Variants in TBL1XR1 observed in about 807,000 individuals in gnomAD.
TBL1XR1 encodes the protein F-box-like/WD repeat-containing protein TBL1XR1.
In TBL1XR1, 5 loss-of-function variants were observed where a neutral mutation model predicts 66.9. The ratio of observed to expected loss-of-function variants is 0.07; its 90% CI spans 0.04 to 0.16. The LOEUF (loss-of-function observed/expected upper bound fraction) is 0.16. TBL1XR1 is among the 10% of genes least tolerant of loss of function. The pLI, the probability that TBL1XR1 is intolerant of heterozygous loss-of-function variation, is 1.00. For synonymous variants in TBL1XR1, 210 were observed against 206.0 expected (o/e 1.02, Z -0.17); for missense variants, 238 against 623.2 (o/e 0.38, Z 6.58).
chr3:177,135,371 A>ATG, intron 1 of TBL1XR1, among the ~76,000 whole-genome samples: 1 of 32,258 alleles, frequency 3.1e-5, no homozygotes, highest in South Asian at 9.4e-4. Flanking sequence ...ATATATATAT[A>ATG]TATATATATA....
chr3:177,147,909 A>G (rs1481871955), intron 1 of TBL1XR1, among the ~76,000 whole-genome samples: 1 of 152,202 alleles, frequency 6.6e-6, no homozygotes, highest in Non-Finnish European at 1.5e-5. Flanking sequence ...TTAACTCTTG[A>G]GTTCCTCTCA....
chr3:177,149,777 T>C (rs796711436), intron 1 of TBL1XR1, among the ~76,000 whole-genome samples: 1 of 152,166 alleles, frequency 6.6e-6, no homozygotes, highest in South Asian at 2.1e-4. Context: ...GTATCATAAA[T>C]AAAACATTAC....
chr3:177,192,480 A>G lies in TBL1XR1; in HGVS notation c.-122+4641T>C, dbSNP rs554101663. ...AGGCTTAAGAAGTCCAACCCAGATG[A>G]CAGAATAGCAACAAAGGCATGCAAA... On this transcript the variant is annotated intron_variant, in intron 1 of 15. Transcript: ENST00000457928. Among the ~76,000 whole-genome samples the G allele has an allele frequency of 4.6e-5, 7 of 152,224 alleles. No individual in the cohort carries two copies. The East Asian group carries it at 1.4e-3, about 29-fold the overall frequency.
chr3:177,073,959 C>T (rs1720366818), intron 2 of TBL1XR1, among the ~76,000 whole-genome samples: 1 of 152,136 alleles, frequency 6.6e-6, no homozygotes, highest in African/African-American at 2.4e-5. Context: ...CATTTATTTC[C>T]CAAGAAAACC....
At chr3:177,190,648 C>G (rs754633235) in intron 1 of TBL1XR1, among the ~76,000 whole-genome samples, 1 of 152,146 alleles carries the variant, frequency 6.6e-6, no homozygotes, top group Admixed American at 6.6e-5. Flanking sequence ...AAGAAACTAA[C>G]AAATTTTTCT....
Position 177,025,313 on chromosome 3 carries a change from G to A in TBL1XR1, c.*185C>T, listed in dbSNP as rs1462800293. On this transcript the variant is annotated 3_prime_UTR_variant, in exon 16 of 16. Coordinates refer to ENST00000457928, the MANE Select transcript of TBL1XR1 (RefSeq NM_024665.7). ...TTGGTGAACAGAATTCACAAGCTGT[G>A]ACAAAACTCTGTCATCTTCAGGGTG... is the stretch of plus-strand genomic sequence containing the variant. 2.1e-5 allele frequency: 10 copies of A among 478,684 alleles called. No individual in the cohort carries two copies. The highest frequency in any genetic ancestry group is 3.6e-5 in the Non-Finnish European group (10 of 274,540). 29.7% of individuals were successfully genotyped at this position (478,684 alleles called of 1,614,324 possible).
chr3:177,057,640 GCT>G (rs1451917173), intron 3 of TBL1XR1, among the ~76,000 whole-genome samples: 5 of 152,206 alleles, frequency 3.3e-5, no homozygotes, highest in Admixed American at 3.3e-4. Flanking sequence ...GCAGAAAAAG[GCT>G]TTTTCCAGGG....
At chr3:177,094,188 A>T (rs1577144680) in intron 2 of TBL1XR1, among the ~76,000 whole-genome samples, 2 of 152,304 alleles carry the variant, frequency 1.3e-5, no homozygotes, top group East Asian at 3.9e-4. Flanking sequence ...GACAATTCTC[A>T]AAAGATATAC....
chr3:177,109,853 T>C (rs1293397693), intron 1 of TBL1XR1, among the ~76,000 whole-genome samples: 3 of 152,238 alleles, frequency 2.0e-5, no homozygotes, highest in East Asian at 3.9e-4. Context: ...TGTATTTCAA[T>C]TGAGAGACAG....
chr3:177,043,713 CATTTA>C (rs1715929528), intron 10 of TBL1XR1, among the ~76,000 whole-genome samples: 1 of 152,108 alleles, frequency 6.6e-6, no homozygotes, highest in African/African-American at 2.4e-5. Flanking sequence ...CATATGGTTA[CATTTA>C]AATTTACTGT....
chr3:177,039,919 C>T (rs1715338963), intron 10 of TBL1XR1, among the ~76,000 whole-genome samples: 2 of 152,166 alleles, frequency 1.3e-5, no homozygotes, highest in African/African-American at 4.8e-5. Flanking sequence ...AAGGGCAGAG[C>T]TGATTAGTGG....
chr3:177,164,847 T>C (rs1732637805), intron 1 of TBL1XR1, among the ~76,000 whole-genome samples: 1 of 152,206 alleles, frequency 6.6e-6, no homozygotes, highest in Admixed American at 6.5e-5. Flanking sequence ...GATTATGAAC[T>C]ACAAGACTAT....
chr3:177,086,771 A>T (rs1218666013), intron 2 of TBL1XR1, among the ~76,000 whole-genome samples: 2 of 151,810 alleles, frequency 1.3e-5, no homozygotes, highest in African/African-American at 4.8e-5. Context: ...TTATCAACCC[A>T]CCCAATCAAA....
At chr3:177,151,226 C>T (rs1156782925) in intron 1 of TBL1XR1, among the ~76,000 whole-genome samples, 1 of 152,206 alleles carries the variant, frequency 6.6e-6, no homozygotes, top group African/African-American at 2.4e-5. Context: ...ATTGAACCAC[C>T]TCTCCTGATG....
At position 177,134,062 on chromosome 3, in the gene TBL1XR1, T is replaced by C. The variant is rs1332190368; in HGVS notation, c.-121-35521A>G. On this transcript the variant is annotated intron_variant, in intron 1 of 15. Coordinates refer to ENST00000457928, the MANE Select transcript of TBL1XR1 (RefSeq NM_024665.7). Reference sequence around the variant, plus strand: ...TGGAACATAACTCCAGCTAGGCAAATCAGACAGTCTCCTAGATACGTGAAT... The same window carrying C: ...TGGAACATAACTCCAGCTAGGCAAACCAGACAGTCTCCTAGATACGTGAAT... Among the ~76,000 whole-genome samples the C allele has an allele frequency of 5.3e-5, 8 of 152,028 alleles. No individual in the cohort carries two copies. In the East Asian group the frequency reaches 1.5e-3, roughly 29 times the overall value.
intron 1 of TBL1XR1, among the ~76,000 whole-genome samples, chr3:177,130,468 T>C (rs551043279): frequency 5.3e-5 from 8 of 152,268 alleles, no homozygotes; most frequent in African/African-American, 1.9e-4. Context: ...GCAGTGCATA[T>C]AATATTCTAC....
chr3:177,200,412 A>G (rs1266476843), upstream of TBL1XR1, among the ~76,000 whole-genome samples: 2 of 152,186 alleles, frequency 1.3e-5, no homozygotes, highest in Non-Finnish European at 2.9e-5. Context: ...TATCTGAAAC[A>G]ACAGTGTGGC....
At chr3:177,137,024 A>C (rs537101303) in intron 1 of TBL1XR1, among the ~76,000 whole-genome samples, 34 of 152,356 alleles carry the variant, frequency 2.2e-4, no homozygotes, top group Admixed American at 1.4e-3. Flanking sequence ...TCAGCAAGTG[A>C]CGGCAAGCAA....
rs1404248146 is a variant in TBL1XR1 at position 177,197,179 on chromosome 3, T to G, written c.-180A>C. On this transcript the variant is annotated 5_prime_UTR_variant, in exon 1 of 16. Coordinates refer to ENST00000457928, the MANE Select transcript of TBL1XR1 (RefSeq NM_024665.7). Reference sequence around the variant, plus strand: ...TCCCGGGAATGGAGGCACAAGGAAATTCCCCTCCTCGCCGCCGCCGCCACC... The same window carrying G: ...TCCCGGGAATGGAGGCACAAGGAAAGTCCCCTCCTCGCCGCCGCCGCCACC... The G allele has an allele frequency of 6.5e-6, 1 of 153,760 alleles. No homozygotes were observed. Among genetic ancestry groups the G allele is most frequent in the Non-Finnish European group, 1.4e-5 (1 of 69,226 alleles). The allele number at this position is 153,760 out of a possible 1,614,324, so 9.5% of individuals were successfully genotyped here.
Sources: gnomAD v4.1 joint callset for allele counts (sites outside exome capture counted in the v4.1 genomes callset) on GRCh38, gnomAD v4.1.1 for gene constraint, MANE v1.5 for transcripts, NCBI Gene and HGNC (gene_info 2026-07-23, HGNC 2026-07-21) for gene names.